QTMAN: variants seen among roughly 807,000 people sequenced by gnomAD.
QTMAN encodes the protein tRNA-queuosine alpha-mannosyltransferase.
the QTMAN span, among the ~76,000 whole-genome samples, chr2:144,133,212 T>TAA: frequency 2.6e-5 from 2 of 78,280 alleles, no homozygotes; most frequent in African/African-American, 5.7e-5. Flanking sequence ...TATTTATATA[T>TAA]ACATATATAA....
chr2:144,190,366 AT>A, the QTMAN span, among the ~76,000 whole-genome samples: 1 of 152,236 alleles, frequency 6.6e-6, no homozygotes, highest in Non-Finnish European at 1.5e-5. Flanking sequence ...AAATAAAAAA[AT>A]ATACTTACAA....
the QTMAN span, among the ~76,000 whole-genome samples, chr2:144,031,338 C>T: frequency 6.6e-6 from 1 of 151,952 alleles, no homozygotes; most frequent in Non-Finnish European, 1.5e-5. Flanking sequence ...AAGGCCATAA[C>T]CTCAGAAGAG....
the QTMAN span, among the ~76,000 whole-genome samples, chr2:144,277,537 TAA>T: frequency 6.6e-6 from 1 of 152,094 alleles, no homozygotes; most frequent in Non-Finnish European, 1.5e-5. Context: ...ACTGTGAAGT[TAA>T]AAAAGAGTTA....
At chr2:143,972,814 A>G in the QTMAN span, among the ~76,000 whole-genome samples, 1 of 152,168 alleles carries the variant, frequency 6.6e-6, no homozygotes, top group Admixed American at 6.5e-5. Flanking sequence ...ATTTTATACT[A>G]AAGTCCTTAT....
chr2:144,100,983 C>T, the QTMAN span, among the ~76,000 whole-genome samples: 5 of 150,384 alleles, frequency 3.3e-5, no homozygotes, highest in African/African-American at 9.8e-5. Flanking sequence ...CATTCTCCTG[C>T]CTCAGCCTCC....
chr2:144,099,753 G>T, the QTMAN span, among the ~76,000 whole-genome samples: 1 of 152,082 alleles, frequency 6.6e-6, no homozygotes, highest in Admixed American at 6.6e-5. Flanking sequence ...GTACACTTCT[G>T]TGACCACATC....
chr2:144,124,509 A>T, the QTMAN span, among the ~76,000 whole-genome samples: 1 of 152,128 alleles, frequency 6.6e-6, no homozygotes, highest in Non-Finnish European at 1.5e-5. Context: ...TATAGGCATT[A>T]CTAAGCCACA....
At chr2:144,301,674 A>G in the QTMAN span, among the ~76,000 whole-genome samples, 4 of 152,232 alleles carry the variant, frequency 2.6e-5, no homozygotes, top group Non-Finnish European at 5.9e-5. Flanking sequence ...TACAAAATAC[A>G]GCCATAAGAG....
the QTMAN span, among the ~76,000 whole-genome samples, chr2:143,984,230 C>T: frequency 8.9e-4 from 136 of 152,204 alleles, no homozygotes; most frequent in African/African-American, 3.2e-3. Flanking sequence ...CTCGAAGCAA[C>T]AAAAACTAGA....
chr2:144,146,301 T>C, the QTMAN span, among the ~76,000 whole-genome samples: 11 of 150,694 alleles, frequency 7.3e-5, no homozygotes, highest in South Asian at 6.3e-4. Flanking sequence ...AATACTTGTA[T>C]TTTTAAAAAC....
At chr2:144,090,028 T>C in the QTMAN span, among the ~76,000 whole-genome samples, 1 of 152,014 alleles carries the variant, frequency 6.6e-6, no homozygotes, top group Admixed American at 6.6e-5. Context: ...GTGTGACTTA[T>C]TTCGGGAATG....
the QTMAN span, among the ~76,000 whole-genome samples, chr2:144,063,493 A>G: frequency 6.6e-6 from 1 of 152,198 alleles, no homozygotes; most frequent in Non-Finnish European, 1.5e-5. Context: ...AACATGGATT[A>G]ATAAAGTTCT....
the QTMAN span, among the ~76,000 whole-genome samples, chr2:144,184,237 G>A: frequency 2.0e-5 from 3 of 152,120 alleles, no homozygotes; most frequent in South Asian, 4.2e-4. Context: ...AATATAAGTG[G>A]GCCAATCCTT....
At chr2:144,328,322 G>A in the QTMAN span, among the ~76,000 whole-genome samples, 75 of 152,220 alleles carry the variant, frequency 4.9e-4, 1 homozygote, top group South Asian at 0.015. Flanking sequence ...ACACAGCATA[G>A]GGGAAAAGCA....
the QTMAN span, among the ~76,000 whole-genome samples, chr2:144,108,049 C>T: frequency 6.6e-6 from 1 of 152,178 alleles, no homozygotes; most frequent in East Asian, 1.9e-4. Context: ...TGACAAAATT[C>T]AACAGCCCTT....
chr2:144,002,614 T>C, the QTMAN span, among the ~76,000 whole-genome samples: 3 of 152,010 alleles, frequency 2.0e-5, no homozygotes, highest in African/African-American at 7.2e-5. Flanking sequence ...TTTTTTAAAA[T>C]TGTATAATGA....
the QTMAN span, among the ~76,000 whole-genome samples, chr2:144,077,166 T>A: frequency 6.6e-6 from 1 of 152,162 alleles, no homozygotes; most frequent in Admixed American, 6.5e-5. Flanking sequence ...ACCAGTGCCA[T>A]GTAGGGCAAG....
At chr2:144,047,836 C>T in the QTMAN span, among the ~76,000 whole-genome samples, 2 of 152,106 alleles carry the variant, frequency 1.3e-5, no homozygotes, top group African/African-American at 4.8e-5. Context: ...ACCTGATGTG[C>T]CATCAAGAGA....
At chr2:143,995,527 T>C in the QTMAN span, among the ~76,000 whole-genome samples, 1 of 152,270 alleles carries the variant, frequency 6.6e-6, no homozygotes, top group African/African-American at 2.4e-5. Context: ...AATTCTGTAA[T>C]GTAGTTAACA....
Sources: gnomAD v4.1 joint callset for allele counts (sites outside exome capture counted in the v4.1 genomes callset) on GRCh38, gnomAD v4.1.1 for gene constraint, MANE v1.5 for transcripts, NCBI Gene and HGNC (gene_info 2026-07-23, HGNC 2026-07-21) for gene names.